The following GALNT13 variants were observed in gnomAD, a reference collection of about 807,000 sequenced individuals.
The protein encoded by GALNT13 is polypeptide N-acetylgalactosaminyltransferase 13, also known as UDP-GalNAc:polypeptide N-acetylgalactosaminyltransferase 13.
In GALNT13, 28 loss-of-function variants were observed where a neutral mutation model predicts 64.2. That is an observed-to-expected ratio of 0.44 (90% CI 0.32 to 0.60). GALNT13 has a LOEUF of 0.60. GALNT13 is among the 20% of genes least tolerant of loss of function. The pLI is 0.05. For missense variants in GALNT13, 577 were observed against 669.8 expected, an observed-to-expected ratio of 0.86 and a Z score of 1.53; for synonymous variants, 214 against 224.6, an observed-to-expected ratio of 0.95 and a Z score of 0.42.
At chr2:154,180,136 A>T (rs1388991401) in intron 4 of GALNT13, among the ~76,000 whole-genome samples, 3 of 152,176 alleles carry the variant, frequency 2.0e-5, no homozygotes, top group African/African-American at 7.2e-5. Flanking sequence ...ATGGCATTGT[A>T]GGCATCAGTG....
chr2:154,336,119 A>G (rs1695431119), intron 9 of GALNT13, among the ~76,000 whole-genome samples: 1 of 152,250 alleles, frequency 6.6e-6, no homozygotes, highest in African/African-American at 2.4e-5. Context: ...TGTCATCCAC[A>G]TATAAAATTT....
chr2:153,897,969 C>T (rs973096043), intron 1 of GALNT13, among the ~76,000 whole-genome samples: 3 of 152,116 alleles, frequency 2.0e-5, no homozygotes, highest in African/African-American at 4.8e-5. Context: ...ATTTTTAAGT[C>T]TTCTCTCTGT....
the GALNT13 span, among the ~76,000 whole-genome samples, chr2:153,381,401 AT>A: frequency 6.6e-6 from 1 of 152,164 alleles, no homozygotes; most frequent in African/African-American, 2.4e-5. Context: ...AGAACCAGGA[AT>A]ATTGGCGAAC....
chr2:153,245,698 G>T, the GALNT13 span, among the ~76,000 whole-genome samples: 3 of 152,166 alleles, frequency 2.0e-5, no homozygotes, highest in Non-Finnish European at 4.4e-5. Context: ...GGAAAAACCA[G>T]TGCAAAAACA....
At chr2:153,092,885 C>T in the GALNT13 span, among the ~76,000 whole-genome samples, 1 of 151,674 alleles carries the variant, frequency 6.6e-6, no homozygotes, top group Non-Finnish European at 1.5e-5. Flanking sequence ...ATTACAGTAC[C>T]ATGTTGAATA....
rs1490525108 is a variant in GALNT13 at position 154,145,068 on chromosome 2, C to CTA, written c.311+4564_311+4565insAT. ...TGTAGTTCTCTCTCTCTCTCTCTCT[C>CTA]TCTCTATCTATCTATCTATCTATCT... On this transcript the variant is annotated intron_variant, in intron 4 of 12. Transcript: ENST00000392825. Among the ~76,000 whole-genome samples, 179 of 105,388 alleles carry CTA rather than the reference C, an allele frequency of 1.7e-3. 1 individual carries two copies. The highest frequency in any genetic ancestry group is 4.4e-3 in the Middle Eastern group (1 of 226). 69.1% of individuals were successfully genotyped at this position (105,388 alleles called of 152,430 possible). A position where few individuals can be genotyped will look rare whatever the true frequency, so the allele number is the denominator to read the frequency against.
chr2:153,371,802 TA>T, the GALNT13 span, among the ~76,000 whole-genome samples: 2 of 152,226 alleles, frequency 1.3e-5, no homozygotes, highest in Non-Finnish European at 2.9e-5. Context: ...AAGCTGATTC[TA>T]AAATTTATCT....
chr2:153,078,351 C>T, the GALNT13 span, among the ~76,000 whole-genome samples: 1 of 145,304 alleles, frequency 6.9e-6, no homozygotes, highest in African/African-American at 2.5e-5. Context: ...TGGAGTCTCA[C>T]TCCAGGCTGA....
chr2:153,725,462 A>G, the GALNT13 span, among the ~76,000 whole-genome samples: 3 of 149,612 alleles, frequency 2.0e-5, no homozygotes, highest in Admixed American at 2.0e-4. Flanking sequence ...ATAATTAAAA[A>G]AAAATAATAA....
chr2:153,555,133 C>T, the GALNT13 span, among the ~76,000 whole-genome samples: 2 of 151,758 alleles, frequency 1.3e-5, no homozygotes, highest in African/African-American at 4.8e-5. Flanking sequence ...CATTGTCTCC[C>T]CCAGTAATTT....
the GALNT13 span, among the ~76,000 whole-genome samples, chr2:153,097,869 C>T: frequency 5.2e-3 from 789 of 152,212 alleles, 10 homozygotes; most frequent in African/African-American, 0.018. Context: ...AGTTTGAGAC[C>T]GGCCTGGCTA....
intron 3 of GALNT13, among the ~76,000 whole-genome samples, chr2:153,954,992 TA>T (rs556678475): frequency 3.4e-3 from 477 of 139,696 alleles, no homozygotes; most frequent in South Asian, 6.0e-3. Flanking sequence ...TGACTTCGGG[TA>T]AAAAAAAAAA....
intron 3 of GALNT13, among the ~76,000 whole-genome samples, chr2:154,065,438 C>A (rs2105376033): frequency 6.6e-6 from 1 of 152,262 alleles, no homozygotes; most frequent in East Asian, 1.9e-4. Flanking sequence ...CAGTGCTGTC[C>A]TGACTTCAAG....
chr2:154,025,496 A>T (rs1174411867), intron 3 of GALNT13, among the ~76,000 whole-genome samples: 3 of 152,040 alleles, frequency 2.0e-5, no homozygotes, highest in African/African-American at 7.2e-5. Flanking sequence ...CAGTATGTAC[A>T]GTTTTACATT....
chr2:154,259,474 G>T (rs1006107415), intron 8 of GALNT13, among the ~76,000 whole-genome samples: 2 of 152,070 alleles, frequency 1.3e-5, no homozygotes, highest in Non-Finnish European at 2.9e-5. Flanking sequence ...ACTGAAACTT[G>T]GAAGTATTTA....
At chr2:154,022,253 G>T (rs1186672966) in intron 3 of GALNT13, among the ~76,000 whole-genome samples, 1 of 152,122 alleles carries the variant, frequency 6.6e-6, no homozygotes, top group Non-Finnish European at 1.5e-5. Flanking sequence ...TTTTTCTATT[G>T]ATTGGAGTAG....
the GALNT13 span, among the ~76,000 whole-genome samples, chr2:153,164,005 C>G: frequency 9.1e-5 from 13 of 142,748 alleles, no homozygotes; most frequent in Admixed American, 2.8e-4. Flanking sequence ...GCGACCGAGC[C>G]AGGCTCCGTC....
intron 3 of GALNT13, among the ~76,000 whole-genome samples, chr2:154,010,780 C>T (rs1270029240): frequency 6.6e-6 from 1 of 151,912 alleles, no homozygotes; most frequent in African/African-American, 2.4e-5. Flanking sequence ...TTATTGATCT[C>T]TTCAGGGTTT....
the GALNT13 span, among the ~76,000 whole-genome samples, chr2:153,616,714 T>G: frequency 6.6e-6 from 1 of 152,038 alleles, no homozygotes; most frequent in African/African-American, 2.4e-5. Context: ...TTTAAATTTC[T>G]CTTTCTGATT....
Sources: allele counts gnomAD v4.1 joint callset (sites outside exome capture counted in the v4.1 genomes callset), GRCh38; gene constraint gnomAD v4.1.1; transcripts MANE v1.5; gene names NCBI Gene and HGNC (gene_info 2026-07-23, HGNC 2026-07-21).